Variants in HMG20A observed in about 807,000 individuals in gnomAD.
HMG20A encodes the protein high mobility group protein 20A.
A neutral mutation model predicts 43.9 loss-of-function variants in HMG20A; 17 were observed. The observed-to-expected ratio is 0.39, with a 90% CI of 0.27 to 0.58. HMG20A has a LOEUF of 0.58. Ranked by LOEUF, HMG20A falls within the 20% of genes least tolerant of loss-of-function variation. HMG20A has a pLI of 0.59. For synonymous variants in HMG20A, 132 were observed against 147.5 expected, an observed-to-expected ratio of 0.89 and a Z score of 0.76; for missense variants, 341 against 438.2, an observed-to-expected ratio of 0.78 and a Z score of 1.98.
intron 1 of HMG20A, among the ~76,000 whole-genome samples, chr15:77,456,290 T>C (rs2072653575): frequency 6.6e-6 from 1 of 152,144 alleles, no homozygotes; most frequent in Non-Finnish European, 1.5e-5. Context: ...CCAGATAATA[T>C]ATCTTCTTTT....
At chr15:77,464,990 T>C (rs971643896) in intron 3 of HMG20A, among the ~76,000 whole-genome samples, 1 of 151,944 alleles carries the variant, frequency 6.6e-6, no homozygotes, top group Non-Finnish European at 1.5e-5. Flanking sequence ...CCGGGCATGG[T>C]AGCTCATGCC....
intron 6 of HMG20A, among the ~76,000 whole-genome samples, chr15:77,472,104 G>A (rs934260550): frequency 2.0e-5 from 3 of 152,034 alleles, no homozygotes; most frequent in Non-Finnish European, 4.4e-5. Flanking sequence ...ATAGAAATGA[G>A]GGCTAGCTGA....
In HMG20A at chr15:77,429,519, T is replaced by C. The variant is rs530853884; in HGVS notation, c.-5+8515T>C. Among the ~76,000 whole-genome samples the C allele has an allele frequency of 3.5e-4, 54 of 152,340 alleles. 2 individuals carry two copies. In the South Asian group the frequency reaches 0.011, roughly 30 times the overall value. ...TTGCTTGATGGCATCATAATTATCA[T>C]AACTTTTTGGCTTAATAACAGTAGC... On this transcript the variant is annotated intron_variant, in intron 1 of 9. Coordinates refer to ENST00000336216, the MANE Select transcript of HMG20A (RefSeq NM_001304504.2).
chr15:77,435,955 T>C (rs1457852189), intron 1 of HMG20A, among the ~76,000 whole-genome samples: 2 of 152,164 alleles, frequency 1.3e-5, no homozygotes, highest in Non-Finnish European at 2.9e-5. Context: ...TCTAACTCCT[T>C]TTAACCTATT....
At chr15:77,506,237 TC>T in the HMG20A span, among the ~76,000 whole-genome samples, 1 of 152,104 alleles carries the variant, frequency 6.6e-6, no homozygotes, top group African/African-American at 2.4e-5. Context: ...CTCATCCATA[TC>T]CCACCCCGAT....
At chr15:77,493,431 G>A in the HMG20A span, among the ~76,000 whole-genome samples, 1 of 152,198 alleles carries the variant, frequency 6.6e-6, no homozygotes, top group Non-Finnish European at 1.5e-5. Context: ...AAAACAGCAA[G>A]AGATAGGAGA....
chr15:77,433,551 C>T (rs906274876), intron 1 of HMG20A, among the ~76,000 whole-genome samples: 4 of 152,060 alleles, frequency 2.6e-5, no homozygotes, highest in Non-Finnish European at 4.4e-5. Context: ...CAATCTCTTT[C>T]GTGAACCTAA....
At chr15:77,453,539 G>A (rs1229410161) in intron 1 of HMG20A, among the ~76,000 whole-genome samples, 2 of 152,164 alleles carry the variant, frequency 1.3e-5, no homozygotes, top group African/African-American at 4.8e-5. Context: ...ATTAAACATG[G>A]TGGTACCAGA....
chr15:77,460,080 G>C (rs1157584573), intron 2 of HMG20A, among the ~76,000 whole-genome samples: 1 of 152,130 alleles, frequency 6.6e-6, no homozygotes. Context: ...AGGGAGCAGG[G>C]GCTGGAACAA....
At chr15:77,465,303 A>G (rs2072746690) in intron 3 of HMG20A, among the ~76,000 whole-genome samples, 3 of 149,164 alleles carry the variant, frequency 2.0e-5, no homozygotes, top group Admixed American at 6.6e-5. Flanking sequence ...AAAAACAACT[A>G]ATTTTTTTTT....
At chr15:77,506,386 T>C in the HMG20A span, among the ~76,000 whole-genome samples, 1 of 152,162 alleles carries the variant, frequency 6.6e-6, no homozygotes, top group South Asian at 2.1e-4. Flanking sequence ...TGGTTCACGA[T>C]GAAGCCGCCG....
intron 1 of HMG20A, among the ~76,000 whole-genome samples, chr15:77,456,887 A>T (rs2072660021): frequency 6.6e-6 from 1 of 152,162 alleles, no homozygotes; most frequent in African/African-American, 2.4e-5. Context: ...AACATGTGGA[A>T]TGGAATTTTG....
intron 9 of HMG20A, chr15:77,482,616 G>A (rs1401883194): frequency 6.6e-6 from 1 of 152,114 alleles, no homozygotes; most frequent in Non-Finnish European, 1.5e-5. Flanking sequence ...GGTTTTGATT[G>A]ACCATACATT....
At chr15:77,436,424 T>C (rs1300845007) in intron 1 of HMG20A, among the ~76,000 whole-genome samples, 2 of 152,226 alleles carry the variant, frequency 1.3e-5, no homozygotes, top group East Asian at 1.9e-4. Flanking sequence ...CAGTAACTAC[T>C]TCCCTACTGA....
In HMG20A at chr15:77,422,306, T is replaced by A. The variant is rs1404579366; in HGVS notation, c.-5+1302T>A. Among the ~76,000 whole-genome samples the A allele has an allele frequency of 4.6e-5, 7 of 152,342 alleles. No individual in the cohort carries two copies. In the East Asian group the frequency reaches 1.2e-3, roughly 25 times the overall value. Reference sequence around the variant, plus strand: ...TTGTACTTAATCTAGCCTCAGACTCTGCGATTATTTTAATTCTATAATAGT... The same window carrying A: ...TTGTACTTAATCTAGCCTCAGACTCAGCGATTATTTTAATTCTATAATAGT... On this transcript the variant is annotated intron_variant, in intron 1 of 9. Transcript: ENST00000336216.
intron 1 of HMG20A, among the ~76,000 whole-genome samples, chr15:77,454,344 GT>G: frequency 1.3e-5 from 2 of 152,180 alleles, no homozygotes; most frequent in Middle Eastern, 6.8e-3. Flanking sequence ...AAACCACTGA[GT>G]TGTATGTAGT....
At chr15:77,457,772 GC>G (rs552872567) in intron 1 of HMG20A, among the ~76,000 whole-genome samples, 5 of 152,144 alleles carry the variant, frequency 3.3e-5, no homozygotes, top group Non-Finnish European at 7.4e-5. Flanking sequence ...TTGACTGAGA[GC>G]CACATCAGCA....
the HMG20A span, among the ~76,000 whole-genome samples, chr15:77,490,761 C>T: frequency 5.3e-5 from 8 of 152,110 alleles, no homozygotes; most frequent in Non-Finnish European, 8.8e-5. Context: ...TGAAACATCA[C>T]GGAAGAAAAA....
chr15:77,430,843 C>CAG (rs1339643703), intron 1 of HMG20A, among the ~76,000 whole-genome samples: 3 of 152,104 alleles, frequency 2.0e-5, no homozygotes, highest in Non-Finnish European at 4.4e-5. Flanking sequence ...GAAACTATTA[C>CAG]AGAGACATGA....
Sources: allele counts gnomAD v4.1 joint callset (sites outside exome capture counted in the v4.1 genomes callset), GRCh38; gene constraint gnomAD v4.1.1; transcripts MANE v1.5; gene names NCBI Gene and HGNC (gene_info 2026-07-23, HGNC 2026-07-21).